Variants in PTPRD observed in about 807,000 individuals in gnomAD.
PTPRD encodes receptor-type tyrosine-protein phosphatase delta.
In PTPRD, 34 loss-of-function variants were observed where a neutral mutation model predicts 214.5. The ratio of observed to expected loss-of-function variants is 0.16; its 90% CI spans 0.12 to 0.21. The LOEUF (loss-of-function observed/expected upper bound fraction) is 0.21, where lower values mean the gene tolerates loss of function less well. Ranked by LOEUF, PTPRD falls within the 10% of genes least tolerant of loss-of-function variation. PTPRD has a pLI of 1.00. For missense variants in PTPRD, 2,545 were observed against 2,398.7 expected (o/e 1.06, Z -1.27); for synonymous variants, 1,128 against 845.7 (o/e 1.33, Z -5.79).
chr9:10,535,203 G>T (rs1022901402), intron 2 of PTPRD, among the ~76,000 whole-genome samples: 1 of 152,020 alleles, frequency 6.6e-6, no homozygotes, highest in Non-Finnish European at 1.5e-5. Flanking sequence ...CCACTCTGTA[G>T]CAGATTGCTG....
chr9:10,406,908 T>A (rs1051490421), intron 2 of PTPRD, among the ~76,000 whole-genome samples: 2 of 151,592 alleles, frequency 1.3e-5, no homozygotes, highest in Non-Finnish European at 3.0e-5. Context: ...AGCAATCACC[T>A]ATTTACTGAT....
intron 3 of PTPRD, among the ~76,000 whole-genome samples, chr9:10,172,815 T>C (rs1174558184): frequency 1.3e-5 from 2 of 152,180 alleles, no homozygotes; most frequent in East Asian, 1.9e-4. Flanking sequence ...TTATGGTATA[T>C]ATGTGAAGAG....
At chr9:9,067,618 C>G (rs1384264816) in intron 10 of PTPRD, among the ~76,000 whole-genome samples, 1 of 152,060 alleles carries the variant, frequency 6.6e-6, no homozygotes, top group African/African-American at 2.4e-5. Flanking sequence ...TACTGTAAAA[C>G]TTTTGAATTT....
chr9:10,479,425 G>A (rs1190454566), intron 2 of PTPRD, among the ~76,000 whole-genome samples: 1 of 151,994 alleles, frequency 6.6e-6, no homozygotes, highest in Non-Finnish European at 1.5e-5. Flanking sequence ...TGGGGATAAA[G>A]GAAACCTAAA....
chr9:9,693,905 G>A (rs1405112195), intron 7 of PTPRD, among the ~76,000 whole-genome samples: 1 of 152,070 alleles, frequency 6.6e-6, no homozygotes, highest in South Asian at 2.1e-4. Context: ...TCTTCATCAT[G>A]TCAATTGCAT....
At chr9:9,947,451 AT>A (rs373177281) in intron 4 of PTPRD, among the ~76,000 whole-genome samples, 1 of 38,090 alleles carries the variant, frequency 2.6e-5, no homozygotes, top group South Asian at 6.2e-4. Flanking sequence ...TATTTTATAT[AT>A]TTTTATATAT....
chr9:9,744,568 T>C (rs1363435428), intron 6 of PTPRD, among the ~76,000 whole-genome samples: 1 of 152,030 alleles, frequency 6.6e-6, no homozygotes, highest in African/African-American at 2.4e-5. Context: ...AGCAATGTCT[T>C]CTCTAATGAC....
At chr9:9,599,570 C>A (rs754110688) in intron 7 of PTPRD, among the ~76,000 whole-genome samples, 1 of 152,004 alleles carries the variant, frequency 6.6e-6, no homozygotes, top group Non-Finnish European at 1.5e-5. Flanking sequence ...ATCTTAATTT[C>A]TTTGTTTTCA....
rs1849701524 is a variant in PTPRD, at chr9:8,339,017, G to A, written c.5284C>T (p.Arg1762Trp). The A allele has an allele frequency of 6.2e-7, 1 of 1,612,024 alleles. No individual in the cohort carries two copies. Among genetic ancestry groups the A allele is most frequent in the Non-Finnish European group, 8.5e-7 (1 of 1,178,632 alleles). The change falls in exon 43 of 46, where the codon CGG becomes TGG. Residue 1762 changes from arginine to tryptophan, a missense_variant. Coordinates refer to ENST00000381196, the MANE Select transcript of PTPRD (RefSeq NM_002839.4). The part of the protein sequence containing the change: ...EKCHQYWPAE[R>W]SARYQYFVVD... ...ACAAAGTACTGGTATCTTGCAGACC[G>A]TTCTGCTGGCCAGTATTGGTGACAT... is the stretch of plus-strand genomic sequence containing the variant.
intron 2 of PTPRD, among the ~76,000 whole-genome samples, chr9:10,353,601 T>C (rs1211075846): frequency 6.6e-6 from 1 of 152,002 alleles, no homozygotes; most frequent in African/African-American, 2.4e-5. Context: ...AAGTTTTTAA[T>C]ATAGAGTCTC....
intron 3 of PTPRD, among the ~76,000 whole-genome samples, chr9:10,171,764 C>A (rs1371806583): frequency 1.3e-5 from 2 of 152,138 alleles, no homozygotes; most frequent in Non-Finnish European, 1.5e-5. Context: ...ACCTTGTGAT[C>A]CACCCGCCGT....
intron 3 of PTPRD, among the ~76,000 whole-genome samples, chr9:10,318,324 C>G (rs2096485048): frequency 6.6e-6 from 1 of 151,998 alleles, no homozygotes; most frequent in African/African-American, 2.4e-5. Context: ...TAGGCTAGAT[C>G]AAGTGTCCTC....
rs1208626126 is a variant in PTPRD at position 8,733,904 on chromosome 9, G to C, written c.-61C>G. ...GAATCACTGCCTCCGGAGCCGCAGC[G>C]AGTCTGTCCGATCTGAAATTTCAGC... is the stretch of plus-strand genomic sequence containing the variant. On this transcript the variant is annotated 5_prime_UTR_variant, in exon 12 of 46. Transcript: ENST00000381196. 1 of 1,492,406 alleles carries C rather than the reference G, an allele frequency of 6.7e-7. No homozygotes were observed. The highest frequency in any genetic ancestry group is 1.4e-5 in the African/African-American group (1 of 71,964). 92.4% of individuals were successfully genotyped at this position (1,492,406 alleles called of 1,614,324 possible).
At position 10,271,807 on chromosome 9, in the gene PTPRD, T is replaced by A. The variant is rs149170072; in HGVS notation, c.-545+69156A>T. On this transcript the variant is annotated intron_variant, in intron 3 of 45. Transcript: ENST00000381196. Reference sequence around the variant, plus strand: ...ATCCACCCACCTCGGCCTCCCAAATTTCTGGGATTACAGGTGTGAGACACT... The same window carrying A: ...ATCCACCCACCTCGGCCTCCCAAATATCTGGGATTACAGGTGTGAGACACT... Among the ~76,000 whole-genome samples the A allele has an allele frequency of 8.8e-3, 1,338 of 152,150 alleles. 24 individuals carry two copies. The highest frequency in any genetic ancestry group is 0.031 in the African/African-American group (1,267 of 41,534).
At chr9:9,142,097 T>C (rs992196081) in intron 10 of PTPRD, among the ~76,000 whole-genome samples, 4 of 152,382 alleles carry the variant, frequency 2.6e-5, no homozygotes, top group African/African-American at 9.6e-5. Flanking sequence ...TCCTTGTGCT[T>C]GTAGGGACCA....
intron 9 of PTPRD, among the ~76,000 whole-genome samples, chr9:9,236,240 C>G (rs1450651189): frequency 6.6e-6 from 1 of 152,064 alleles, no homozygotes; most frequent in African/African-American, 2.4e-5. Context: ...GCAACAAGAA[C>G]AAAACCCCAT....
At chr9:8,997,920 C>A (rs2099403128) in intron 11 of PTPRD, among the ~76,000 whole-genome samples, 1 of 152,012 alleles carries the variant, frequency 6.6e-6, no homozygotes, top group Admixed American at 6.6e-5. Flanking sequence ...AAGATCAAAC[C>A]AGCCACATTT....
chr9:9,193,186 A>G lies in PTPRD; in HGVS notation c.-202-9823T>C, dbSNP rs577971304. 1.6e-4 allele frequency among the ~76,000 whole-genome samples: 25 copies of G among 152,282 alleles called. No homozygotes were observed. The South Asian group carries it at 5.0e-3, about 30-fold the overall frequency. The stretch of plus-strand genomic sequence containing the variant: ...ATATTTTTATTTCTGGTAGCAAATT[A>G]TGCTAAATTAGAATCCACTGATTGA... On this transcript the variant is annotated intron_variant, in intron 9 of 45. Transcript: ENST00000381196.
chr9:8,666,793 C>G (rs1195731048), intron 12 of PTPRD, among the ~76,000 whole-genome samples: 3 of 152,142 alleles, frequency 2.0e-5, no homozygotes, highest in Non-Finnish European at 4.4e-5. Flanking sequence ...TAACTGCCCC[C>G]TCGAGTGAAT....
Sources: allele counts gnomAD v4.1 joint callset (sites outside exome capture counted in the v4.1 genomes callset), GRCh38; gene constraint gnomAD v4.1.1; transcripts MANE v1.5; gene names NCBI Gene and HGNC (gene_info 2026-07-23, HGNC 2026-07-21).